Variants in CA10 observed in about 807,000 individuals in gnomAD.
The protein encoded by CA10 is carbonic anhydrase-related protein 10.
A neutral mutation model predicts 44.2 loss-of-function variants in CA10; 14 were observed. The ratio of observed to expected loss-of-function variants is 0.32; its 90% confidence interval spans 0.21 to 0.50. The LOEUF is 0.50. CA10 is among the 20% of genes least tolerant of loss of function. CA10 has a pLI of 0.99. For missense variants in CA10, 350 were observed against 409.7 expected, an observed-to-expected ratio of 0.85 and a Z score of 1.26; for synonymous variants, 159 against 141.6, an observed-to-expected ratio of 1.12 and a Z score of -0.87.
At chr17:52,080,341 A>G (rs961954079) in intron 1 of CA10, among the ~76,000 whole-genome samples, 17 of 152,000 alleles carry the variant, frequency 1.1e-4, no homozygotes, top group Admixed American at 3.9e-4. Context: ...AGTCCCAGCT[A>G]CTCGGGAGGC....
intron 3 of CA10, among the ~76,000 whole-genome samples, chr17:51,823,459 C>T (rs142347218): frequency 1.4e-4 from 21 of 152,376 alleles, no homozygotes; most frequent in African/African-American, 4.8e-4. Flanking sequence ...CAAGGGGCTG[C>T]TTTCCAGTTC....
At chr17:51,801,971 G>A (rs1045453455) in intron 3 of CA10, among the ~76,000 whole-genome samples, 1 of 152,218 alleles carries the variant, frequency 6.6e-6, no homozygotes, top group African/African-American at 2.4e-5. Flanking sequence ...CTGGGAAGGA[G>A]GTGCAGGGTG....
At chr17:51,821,040 C>T (rs1458074697) in intron 3 of CA10, among the ~76,000 whole-genome samples, 4 of 102,922 alleles carry the variant, frequency 3.9e-5, no homozygotes, top group African/African-American at 1.7e-4. Flanking sequence ...TCCCTCCCTC[C>T]CTCCCTCCCT....
At chr17:52,103,238 C>T (rs1473172570) in intron 1 of CA10, among the ~76,000 whole-genome samples, 2 of 152,112 alleles carry the variant, frequency 1.3e-5, no homozygotes, top group Non-Finnish European at 2.9e-5. Flanking sequence ...AGGAGGATAG[C>T]GTTATTGTTT....
chr17:51,974,501 CA>C (rs1320530998), intron 2 of CA10, among the ~76,000 whole-genome samples: 1 of 144,604 alleles, frequency 6.9e-6, no homozygotes, highest in African/African-American at 2.5e-5. Flanking sequence ...CAAACTAAAA[CA>C]AAACAAAAAA....
intron 2 of CA10, among the ~76,000 whole-genome samples, chr17:51,959,797 G>GGA (rs558145441): frequency 8.9e-6 from 1 of 112,376 alleles, no homozygotes; most frequent in Non-Finnish European, 1.8e-5. Flanking sequence ...CTGCTAAGAT[G>GGA]AAAAAAAAAA....
intron 3 of CA10, among the ~76,000 whole-genome samples, chr17:51,750,962 A>C (rs1165743429): frequency 6.6e-6 from 1 of 152,236 alleles, no homozygotes; most frequent in Admixed American, 6.5e-5. Flanking sequence ...ACACACTGGC[A>C]CAAGTAGGTG....
At chr17:51,825,092 C>T (rs1907956946) in intron 3 of CA10, among the ~76,000 whole-genome samples, 1 of 152,120 alleles carries the variant, frequency 6.6e-6, no homozygotes, top group Admixed American at 6.6e-5. Context: ...GTCTGCCAAT[C>T]TAATCTAATA....
chr17:51,738,966 T>A (rs1904352067), intron 4 of CA10, among the ~76,000 whole-genome samples: 1 of 152,146 alleles, frequency 6.6e-6, no homozygotes, highest in Non-Finnish European at 1.5e-5. Flanking sequence ...GGCATTTGAT[T>A]TTTCCTTTGT....
chr17:51,930,469 C>G (rs991047729), intron 3 of CA10, among the ~76,000 whole-genome samples: 1 of 152,162 alleles, frequency 6.6e-6, no homozygotes, highest in Non-Finnish European at 1.5e-5. Context: ...CAAAGCCCAG[C>G]TCAGCATTTC....
intron 3 of CA10, among the ~76,000 whole-genome samples, chr17:51,857,792 CATA>C (rs1359253508): frequency 1.3e-5 from 2 of 152,142 alleles, no homozygotes; most frequent in African/African-American, 4.8e-5. Context: ...ATTCTGCTTT[CATA>C]ATTTTATGAT....
intron 3 of CA10, among the ~76,000 whole-genome samples, chr17:51,870,254 A>C (rs1233036413): frequency 6.6e-6 from 1 of 152,226 alleles, no homozygotes; most frequent in African/African-American, 2.4e-5. Flanking sequence ...TTGATCCAAG[A>C]ATCACCAAGA....
intron 1 of CA10, among the ~76,000 whole-genome samples, chr17:52,153,726 A>G (rs963969838): frequency 6.6e-6 from 1 of 152,174 alleles, no homozygotes; most frequent in African/African-American, 2.4e-5. Flanking sequence ...GTTGATATGG[A>G]AAAAGGTAAA....
intron 1 of CA10, among the ~76,000 whole-genome samples, chr17:52,124,538 C>T (rs1381072104): frequency 6.6e-6 from 1 of 152,178 alleles, no homozygotes; most frequent in Non-Finnish European, 1.5e-5. Flanking sequence ...CTCTATCTTC[C>T]TGTGCCTATG....
At chr17:51,958,075 C>G (rs1200239944) in intron 2 of CA10, among the ~76,000 whole-genome samples, 2 of 152,032 alleles carry the variant, frequency 1.3e-5, no homozygotes, top group Non-Finnish European at 2.9e-5. Flanking sequence ...TCATCTTTGT[C>G]GTGCCTTCAA....
At chr17:52,115,163 C>T (rs774485917) in intron 1 of CA10, among the ~76,000 whole-genome samples, 2 of 152,188 alleles carry the variant, frequency 1.3e-5, no homozygotes, top group South Asian at 2.1e-4. Flanking sequence ...TGTGTGGTGG[C>T]CTGGTATTCA....
intron 2 of CA10, among the ~76,000 whole-genome samples, chr17:51,969,298 A>G (rs1984193436): frequency 6.6e-6 from 1 of 151,988 alleles, no homozygotes; most frequent in Admixed American, 6.6e-5. Flanking sequence ...ACCACATTCC[A>G]GGTAAAATAA....
intron 4 of CA10, among the ~76,000 whole-genome samples, chr17:51,664,299 G>A (rs1344079982): frequency 6.6e-6 from 1 of 152,086 alleles, no homozygotes. Context: ...GATCATATAT[G>A]CAAAAAGCCA....
chr17:51,792,911 G>A (rs1906575610), intron 3 of CA10, among the ~76,000 whole-genome samples: 1 of 152,192 alleles, frequency 6.6e-6, no homozygotes, highest in African/African-American at 2.4e-5. Context: ...GCATTTCACT[G>A]GAGAGGAAGC....
Sources: allele counts gnomAD v4.1 joint callset (sites outside exome capture counted in the v4.1 genomes callset), GRCh38; gene constraint gnomAD v4.1.1; transcripts MANE v1.5; gene names NCBI Gene and HGNC (gene_info 2026-07-23, HGNC 2026-07-21).